The following OLFM2 variants were observed in gnomAD, a reference collection of about 807,000 sequenced individuals.
The protein encoded by OLFM2 is olfactomedin 2, also known as noelin-2.
In OLFM2, 20 loss-of-function variants were observed where a neutral mutation model predicts 43.9. That is an observed-to-expected ratio of 0.46 (90% CI 0.32 to 0.66). OLFM2 has a LOEUF of 0.66. OLFM2 is among the 30% of genes least tolerant of loss of function. The pLI is 0.04. For synonymous variants in OLFM2, 268 were observed against 278.6 expected (o/e 0.96, Z 0.38); for missense variants, 416 against 643.6 (o/e 0.65, Z 3.83).
At chr19:9,920,797 C>T (rs548923867) in intron 1 of OLFM2, among the ~76,000 whole-genome samples, 31 of 149,372 alleles carry the variant, frequency 2.1e-4, no homozygotes, top group African/African-American at 7.6e-4. Context: ...ATCCCAGCTA[C>T]TTGGGAGGCT....
rs71188848 is a variant in OLFM2, at chr19:9,873,796, A to ATTT, written c.64-13005_64-13003dup. Among the ~76,000 whole-genome samples, 5 of 70,482 alleles carry ATTT rather than the reference A, an allele frequency of 7.1e-5. No individual in the cohort carries two copies. The East Asian group carries it at 2.2e-3, about 30-fold the overall frequency. The allele number at this position is 70,482 out of a possible 152,430, so 46.2% of individuals were successfully genotyped here. A position where few individuals can be genotyped will look rare whatever the true frequency, so the allele number is the denominator to read the frequency against. ...CGATGTACACTATCATGCCCAGCTA[A>ATTT]TTTTTTTTTTTTTTTTTTTTTTTTT... is the stretch of plus-strand genomic sequence containing the variant. On this transcript the variant is annotated intron_variant, in intron 1 of 5. Transcript: ENST00000264833.
At chr19:9,893,027 AT>A (rs2046651746) in intron 1 of OLFM2, among the ~76,000 whole-genome samples, 1 of 151,952 alleles carries the variant, frequency 6.6e-6, no homozygotes. Context: ...CAGGACTCGG[AT>A]TTGGTCCTGG....
chr19:9,856,640 C>T lies in OLFM2; in HGVS notation c.687+167G>A, dbSNP rs565172906. On this transcript the variant is annotated intron_variant, in intron 5 of 5. Coordinates refer to ENST00000264833, the MANE Select transcript of OLFM2 (RefSeq NM_058164.4). This position sits in a 1 kb window ranked among gnomAD's most constrained non-coding sequence, Gnocchi z 4.0. ...GTGGGATTCACAAGGCTGCAAAGCC[C>T]TTGGTCACTTGGGGGTTACTGGACA... is the stretch of plus-strand genomic sequence containing the variant. Among the ~76,000 whole-genome samples, 3 of 152,350 alleles carry T rather than the reference C, an allele frequency of 2.0e-5. No homozygotes were observed. In the South Asian group the frequency reaches 6.2e-4, roughly 32 times the overall value.
At chr19:9,879,668 T>C in intron 1 of OLFM2, among the ~76,000 whole-genome samples, 1 of 147,734 alleles carries the variant, frequency 6.8e-6, no homozygotes, top group East Asian at 2.1e-4. Flanking sequence ...AACGAACTAA[T>C]ACACTGGGAC....
intron 1 of OLFM2, among the ~76,000 whole-genome samples, chr19:9,917,791 G>C (rs1188375690): frequency 6.6e-6 from 1 of 152,108 alleles, no homozygotes; most frequent in Non-Finnish European, 1.5e-5. Context: ...GTGATATGGT[G>C]ATCTTATCCA....
intron 1 of OLFM2, among the ~76,000 whole-genome samples, chr19:9,901,126 A>AAAAAGGAAGGAAAGAAAGT (rs2046734572): frequency 6.7e-6 from 1 of 149,634 alleles, no homozygotes; most frequent in African/African-American, 2.5e-5. Context: ...GGAAAGAAAG[A>AAAAAGGAAGGAAAGAAAGT]AAAAGGAAGG....
At chr19:9,888,541 C>A (rs944349651) in intron 1 of OLFM2, among the ~76,000 whole-genome samples, 76 of 135,426 alleles carry the variant, frequency 5.6e-4, no homozygotes, top group East Asian at 1.1e-3. Flanking sequence ...AAACAAAAAA[C>A]AAACCTTCCC....
chr19:9,857,717 G>C lies in OLFM2; in HGVS notation c.358C>G (p.Gln120Glu). The C allele has an allele frequency of 6.2e-7, 1 of 1,614,144 alleles. No homozygotes were observed. Among genetic ancestry groups the C allele is most frequent in the Middle Eastern group, 1.7e-4 (1 of 6,040 alleles). Reference protein sequence around the residue: ...ADGSLSAKSFQELKDRMTELL... With the variant: ...ADGSLSAKSFEELKDRMTELL... Reference sequence around the variant, plus strand: ...GGTCTGGACACAGGAGGACCCACCTGGAAGCTCTTGGCCGAGAGGGACCCA... The same window carrying C: ...GGTCTGGACACAGGAGGACCCACCTCGAAGCTCTTGGCCGAGAGGGACCCA... Residue 120 changes from glutamine to glutamate, a missense_variant and splice_region_variant, in exon 3 of 6, where the codon CAG becomes GAG. Coordinates refer to ENST00000264833, the MANE Select transcript of OLFM2 (RefSeq NM_058164.4). This position sits in a 1 kb window ranked among gnomAD's most constrained non-coding sequence, Gnocchi z 5.7.
In OLFM2 at chr19:9,934,177, C is replaced by G. The variant is rs376841581; in HGVS notation, c.63+2127G>C. ...GAGCATCCTCTCTGCAGACCCCTCC[C>G]TTCCCTGGGGTGCCAGGCTTGGTGG... On this transcript the variant is annotated intron_variant, in intron 1 of 5. Coordinates refer to ENST00000264833, the MANE Select transcript of OLFM2 (RefSeq NM_058164.4). 6.6e-5 allele frequency among the ~76,000 whole-genome samples: 10 copies of G among 152,300 alleles called. No individual in the cohort carries two copies. In the East Asian group the frequency reaches 1.9e-3, roughly 29 times the overall value.
At chr19:9,881,958 G>A (rs1474872277) in intron 1 of OLFM2, among the ~76,000 whole-genome samples, 4 of 152,158 alleles carry the variant, frequency 2.6e-5, no homozygotes, top group Admixed American at 6.5e-5. Flanking sequence ...TGGGCTGGGC[G>A]TGGTGGCTCA....
Position 9,855,016 on chromosome 19 carries a change from T to C in OLFM2, c.688-153A>G, listed in dbSNP as rs16996141. 0.18 allele frequency among the ~76,000 whole-genome samples: 27,548 copies of C among 152,074 alleles called. 2,890 individuals are homozygous for C. Among genetic ancestry groups the C allele is most frequent in the East Asian group, 0.23 (1,198 of 5,146 alleles). On this transcript the variant is annotated intron_variant, in intron 5 of 5. Transcript: ENST00000264833. Reference sequence around the variant, plus strand: ...TTCATTACCAATTATGGCCCTAGTGTGACCATGATCATCTCCTGGTGACAG... The same window carrying C: ...TTCATTACCAATTATGGCCCTAGTGCGACCATGATCATCTCCTGGTGACAG...
intron 1 of OLFM2, among the ~76,000 whole-genome samples, chr19:9,879,970 T>G (rs1466963552): frequency 6.6e-6 from 1 of 151,814 alleles, no homozygotes; most frequent in Admixed American, 6.6e-5. Flanking sequence ...AGAGACAAGG[T>G]TTCATCATGT....
intron 1 of OLFM2, among the ~76,000 whole-genome samples, chr19:9,901,004 A>AGGGAGGG (rs2046731372): frequency 7.1e-5 from 2 of 28,236 alleles, no homozygotes; most frequent in Non-Finnish European, 6.1e-5. Flanking sequence ...GGGAGGGGGG[A>AGGGAGGG]GGGAGGGAAG....
At chr19:9,867,169 C>T (rs951075884) in intron 1 of OLFM2, among the ~76,000 whole-genome samples, 7 of 152,204 alleles carry the variant, frequency 4.6e-5, no homozygotes, top group Admixed American at 3.3e-4. Flanking sequence ...TCAGGAGTTC[C>T]AGACCAGTCT....
At chr19:9,914,097 C>T (rs2046855676) in intron 1 of OLFM2, among the ~76,000 whole-genome samples, 1 of 151,746 alleles carries the variant, frequency 6.6e-6, no homozygotes, top group Admixed American at 6.5e-5. Context: ...CGGCCCCCCT[C>T]CCCCTAGGCG....
chr19:9,915,372 G>C (rs2046867079), intron 1 of OLFM2, among the ~76,000 whole-genome samples: 1 of 151,248 alleles, frequency 6.6e-6, no homozygotes, highest in African/African-American at 2.4e-5. Flanking sequence ...CCTCCGGGTT[G>C]GATGTGAAGA....
At chr19:9,873,777 A>C (rs1181945092) in intron 1 of OLFM2, among the ~76,000 whole-genome samples, 2 of 145,148 alleles carry the variant, frequency 1.4e-5, no homozygotes, top group African/African-American at 5.1e-5. Context: ...CTACCGATGT[A>C]CACTATCATG....
At position 9,857,146 on chromosome 19, in the gene OLFM2, T is replaced by G; in HGVS notation, c.580+117A>C. On this transcript the variant is annotated intron_variant, in intron 4 of 5. Transcript: ENST00000264833. The surrounding 1 kb of genome is among the most constrained non-coding windows in gnomAD (Gnocchi z 5.7). ...TAGCCTTAGGTAGGAAGGTCAAGGG[T>G]TGAGGTTTAAAAGTTAGAGGTCAAA... 9.5e-7 allele frequency: 1 copy of G among 1,058,146 alleles called. No homozygotes were observed. The highest frequency in any genetic ancestry group is 1.4e-6 in the Non-Finnish European group (1 of 696,074). The allele number at this position is 1,058,146 out of a possible 1,614,324, so 65.5% of individuals were successfully genotyped here.
At chr19:9,923,284 G>GT (rs772006032) in intron 1 of OLFM2, among the ~76,000 whole-genome samples, 73 of 152,168 alleles carry the variant, frequency 4.8e-4, no homozygotes, top group Non-Finnish European at 6.5e-4. Context: ...GCTGGGCACG[G>GT]TGGCTCATGC....
Sources: allele counts gnomAD v4.1 joint callset (sites outside exome capture counted in the v4.1 genomes callset), GRCh38; gene constraint gnomAD v4.1.1; non-coding constraint Gnocchi (gnomAD v3.1); transcripts MANE v1.5; gene names NCBI Gene and HGNC (gene_info 2026-07-23, HGNC 2026-07-21).